The following ITGBL1 variants were observed in gnomAD, a reference collection of about 807,000 sequenced individuals.
ITGBL1 encodes the protein integrin subunit beta like 1, also known as integrin beta-like protein 1.
ITGBL1 carries 51 observed loss-of-function variants against 68.5 expected under a neutral mutation model. That is an observed-to-expected ratio of 0.74 (90% CI 0.59 to 0.94). The LOEUF (loss-of-function observed/expected upper bound fraction) is 0.94. ITGBL1 is among the 40% of genes least tolerant of loss of function. The probability of loss-of-function intolerance (pLI) is 0.00; values close to 1 mark genes in which losing one functional copy is unlikely to be tolerated. For missense variants in ITGBL1, 649 were observed against 647.4 expected, an observed-to-expected ratio of 1.00 and a Z score of -0.03; for synonymous variants, 209 against 227.3, an observed-to-expected ratio of 0.92 and a Z score of 0.72.
At chr13:101,682,698 A>G (rs1275214797) in intron 7 of ITGBL1, among the ~76,000 whole-genome samples, 2 of 151,994 alleles carry the variant, frequency 1.3e-5, no homozygotes, top group African/African-American at 4.8e-5. Flanking sequence ...ACTTATACAC[A>G]TAGTAATGTT....
chr13:101,617,402 C>A (rs895482532), intron 7 of ITGBL1, among the ~76,000 whole-genome samples: 1 of 151,990 alleles, frequency 6.6e-6, no homozygotes, highest in Non-Finnish European at 1.5e-5. Context: ...TCTCAGAAGA[C>A]AGTGATCTTT....
intron 7 of ITGBL1, among the ~76,000 whole-genome samples, chr13:101,663,612 G>C (rs876100): frequency 0.11 from 16,441 of 152,152 alleles, 1,089 homozygotes; most frequent in East Asian, 0.31. Context: ...AATCCAAATT[G>C]AGGTAATGTT....
chr13:101,625,609 A>G (rs948743591), intron 7 of ITGBL1, among the ~76,000 whole-genome samples: 1 of 152,040 alleles, frequency 6.6e-6, no homozygotes, highest in Non-Finnish European at 1.5e-5. Flanking sequence ...CTGGAGTACA[A>G]TTGCACGATC....
chr13:101,683,203 A>G (rs2139531990), intron 7 of ITGBL1, among the ~76,000 whole-genome samples: 1 of 152,138 alleles, frequency 6.6e-6, no homozygotes, highest in South Asian at 2.1e-4. Context: ...CCCTCTCCCT[A>G]AAAAGATAAC....
At chr13:101,597,907 G>A (rs1025247899) in intron 6 of ITGBL1, among the ~76,000 whole-genome samples, 2 of 151,992 alleles carry the variant, frequency 1.3e-5, no homozygotes, top group Admixed American at 6.6e-5. Context: ...CCTGGAATTT[G>A]ACAGCTTGAA....
At position 101,607,196 on chromosome 13, in the gene ITGBL1, A is replaced by T. The variant is rs144026820; in HGVS notation, c.1015+8897A>T. Among the ~76,000 whole-genome samples the T allele has an allele frequency of 4.2e-3, 634 of 152,140 alleles. 2 individuals are homozygous for T. Among genetic ancestry groups the T allele is most frequent in the African/African-American group, 0.015 (613 of 41,540 alleles). On this transcript the variant is annotated intron_variant, in intron 7 of 10. Transcript: ENST00000376180. ...TTTTTAAAAATTTCCTAAAAACACA[A>T]TGAGGTAGGAAGACGTATAATTATT...
Position 101,575,503 on chromosome 13 carries a change from C to A in ITGBL1, c.543C>A (p.Asp181Glu). Residue 181 changes from aspartate to glutamate, a missense_variant, in exon 4 of 11, where the codon GAC becomes GAA. Transcript: ENST00000376180. ...TGTATGGTAAATTTTGTGAGTGTGA[C>A]GATAGAGAATGCATAGACGATGAAA... ...GLVYGKFCEC[D>E]DRECIDDETE... 6.2e-7 allele frequency: 1 copy of A among 1,612,252 alleles called. No individual in the cohort carries two copies. Among genetic ancestry groups the A allele is most frequent in the Non-Finnish European group, 8.5e-7 (1 of 1,178,706 alleles).
At chr13:101,535,167 C>T (rs560151005) in intron 2 of ITGBL1, among the ~76,000 whole-genome samples, 4 of 152,108 alleles carry the variant, frequency 2.6e-5, no homozygotes, top group South Asian at 2.1e-4. Context: ...AATATATCTA[C>T]GTGGTGATAA....
chr13:101,545,489 CAT>C (rs898739282), intron 2 of ITGBL1, among the ~76,000 whole-genome samples: 4 of 151,898 alleles, frequency 2.6e-5, no homozygotes, highest in African/African-American at 4.8e-5. Flanking sequence ...GAACAGAAAA[CAT>C]AGAATAATTT....
rs567005106 is a variant in ITGBL1 at position 101,574,340 on chromosome 13, T to A, written c.464-1084T>A. Among the ~76,000 whole-genome samples, 8 of 152,242 alleles carry A rather than the reference T, an allele frequency of 5.3e-5. No homozygotes were observed. In the South Asian group the frequency reaches 1.7e-3, roughly 32 times the overall value. On this transcript the variant is annotated intron_variant, in intron 3 of 10. Coordinates refer to ENST00000376180, the MANE Select transcript of ITGBL1 (RefSeq NM_004791.3). ...ATGCTGGAAGTAAGCCTCTTCACCATCTCACTTCTCTTAGCTATGCTTTTT... is the reference window on the plus strand; with the variant it reads ...ATGCTGGAAGTAAGCCTCTTCACCAACTCACTTCTCTTAGCTATGCTTTTT...
At chr13:101,658,925 T>C (rs77630110) in intron 7 of ITGBL1, among the ~76,000 whole-genome samples, 3,668 of 151,540 alleles carry the variant, frequency 0.024, 131 homozygotes, top group African/African-American at 0.084. Flanking sequence ...CAAACAAACT[T>C]TGACACCATG....
intron 7 of ITGBL1, among the ~76,000 whole-genome samples, chr13:101,624,123 T>G (rs1276530629): frequency 6.6e-6 from 1 of 152,208 alleles, no homozygotes; most frequent in African/African-American, 2.4e-5. Flanking sequence ...AGAAGAAATC[T>G]GGGCTTGTTG....
intron 7 of ITGBL1, among the ~76,000 whole-genome samples, chr13:101,671,421 C>CTTTT: frequency 7.6e-6 from 1 of 131,084 alleles, no homozygotes. Context: ...CAAAAGTATA[C>CTTTT]CTTTGTTTTT....
chr13:101,566,421 G>C (rs2050184132), intron 2 of ITGBL1, among the ~76,000 whole-genome samples: 1 of 152,138 alleles, frequency 6.6e-6, no homozygotes. Context: ...AAATGATGCA[G>C]TCAATTTGAG....
intron 3 of ITGBL1, among the ~76,000 whole-genome samples, chr13:101,570,501 C>T (rs1012607846): frequency 5.9e-5 from 9 of 152,042 alleles, no homozygotes; most frequent in African/African-American, 2.2e-4. Context: ...AGGGTATTTG[C>T]TTCTTGGCCC....
chr13:101,620,199 C>T (rs2031529772), intron 7 of ITGBL1, among the ~76,000 whole-genome samples: 1 of 152,012 alleles, frequency 6.6e-6, no homozygotes, highest in African/African-American at 2.4e-5. Flanking sequence ...CTTTGTCTAA[C>T]GTAGATAAGT....
chr13:101,503,837 T>C (rs2048982821), intron 2 of ITGBL1, among the ~76,000 whole-genome samples: 1 of 152,158 alleles, frequency 6.6e-6, no homozygotes, highest in Admixed American at 6.5e-5. Context: ...ATGATGATGT[T>C]TTGGGACATC....
At chr13:101,619,735 A>G (rs900794217) in intron 7 of ITGBL1, among the ~76,000 whole-genome samples, 9 of 152,220 alleles carry the variant, frequency 5.9e-5, no homozygotes, top group Admixed American at 5.2e-4. Context: ...TTTCTGAATT[A>G]TGTATTCCCA....
chr13:101,620,938 C>T (rs1483376623), intron 7 of ITGBL1, among the ~76,000 whole-genome samples: 1 of 152,110 alleles, frequency 6.6e-6, no homozygotes, highest in Non-Finnish European at 1.5e-5. Flanking sequence ...AAGTGGAGAA[C>T]AGTGAGTTTC....
Sources: allele counts gnomAD v4.1 joint callset (sites outside exome capture counted in the v4.1 genomes callset), GRCh38; gene constraint gnomAD v4.1.1; transcripts MANE v1.5; gene names NCBI Gene and HGNC (gene_info 2026-07-23, HGNC 2026-07-21).